LPIN2: variants seen among roughly 807,000 people sequenced by gnomAD.
LPIN2 encodes the protein phosphatidate phosphatase LPIN2.
In LPIN2, 55 loss-of-function variants were observed where a neutral mutation model predicts 111.4. The ratio of observed to expected loss-of-function variants is 0.49; its 90% CI spans 0.40 to 0.62. The LOEUF (loss-of-function observed/expected upper bound fraction) is 0.62. LPIN2 is among the 20% of genes least tolerant of loss of function. The probability of loss-of-function intolerance (pLI) is 0.00; values close to 1 mark genes in which losing one functional copy is unlikely to be tolerated. For missense variants in LPIN2, 992 were observed against 1,112.1 expected, an observed-to-expected ratio of 0.89 and a Z score of 1.54; for synonymous variants, 425 against 414.0, an observed-to-expected ratio of 1.03 and a Z score of -0.32.
rs2078544896 is a variant in LPIN2 at position 3,008,176 on chromosome 18, T to TTACAGGG, written c.-10+4910_-10+4911insCCCTGTA. On this transcript the variant is annotated intron_variant, in intron 1 of 19. Coordinates refer to ENST00000677752, the MANE Select transcript of LPIN2 (RefSeq NM_001375808.2). ...GGATGCTTAGGCTGGGCACAGTGGC[T>TTACAGGG]CACACCTGTAATCCCAACACTTTCG... Among the ~76,000 whole-genome samples the TTACAGGG allele has an allele frequency of 2.0e-5, 3 of 152,346 alleles. No homozygotes were observed. In the South Asian group the frequency reaches 6.2e-4, roughly 32 times the overall value.
At chr18:2,938,095 A>G in intron 6 of LPIN2, 58 bp from the exon 7 acceptor site, 2 of 1,334,118 alleles carry the variant, frequency 1.5e-6, no homozygotes, top group Non-Finnish European at 2.1e-6. Context: ...GTTATAATCT[A>G]TTTCCTAAGC....
Position 2,919,570 on chromosome 18 carries a change from T to A in LPIN2, c.*723A>T, listed in dbSNP as rs76325993. The A allele has an allele frequency of 6.5e-6, 1 of 152,698 alleles. No individual in the cohort carries two copies. 9.5% of individuals were successfully genotyped at this position (152,698 alleles called of 1,614,324 possible). A position where few individuals can be genotyped will look rare whatever the true frequency, so the allele number is the denominator to read the frequency against. ...CACCTTCCCACTTTTATTACAGACATCAAATATATACTTGTGAGACCTGTT... is the reference window on the plus strand; with the variant it reads ...CACCTTCCCACTTTTATTACAGACAACAAATATATACTTGTGAGACCTGTT... On this transcript the variant is annotated 3_prime_UTR_variant, in exon 20 of 20. Coordinates refer to ENST00000677752, the MANE Select transcript of LPIN2 (RefSeq NM_001375808.2).
chr18:2,987,711 T>C (rs2078206458), intron 1 of LPIN2, among the ~76,000 whole-genome samples: 1 of 152,208 alleles, frequency 6.6e-6, no homozygotes, highest in Admixed American at 6.5e-5. Context: ...CAGCTTTACT[T>C]AGTAAATTAC....
chr18:2,936,799 C>T (rs776925306), intron 7 of LPIN2, among the ~76,000 whole-genome samples: 8 of 152,066 alleles, frequency 5.3e-5, no homozygotes, highest in Admixed American at 3.3e-4. Flanking sequence ...AGGCTGATCT[C>T]GAAATCCTGA....
At chr18:2,976,309 AT>A (rs2078014789) in intron 1 of LPIN2, among the ~76,000 whole-genome samples, 1 of 152,194 alleles carries the variant, frequency 6.6e-6, no homozygotes, top group Non-Finnish European at 1.5e-5. Context: ...ATGGACTACC[AT>A]TGCAACTCCT....
At chr18:3,000,142 A>AGGAGGAGGAGG (rs34045507) in intron 1 of LPIN2, among the ~76,000 whole-genome samples, 1 of 114,914 alleles carries the variant, frequency 8.7e-6, no homozygotes, top group African/African-American at 3.1e-5. Context: ...GGAGGAGGAG[A>AGGAGGAGGAGG]AGGAGAAAAT....
chr18:2,947,970 C>T (rs1051562756), intron 4 of LPIN2, among the ~76,000 whole-genome samples: 2 of 152,164 alleles, frequency 1.3e-5, no homozygotes, highest in African/African-American at 4.8e-5. Flanking sequence ...ATTAAGAAAC[C>T]AACGCCCTGA....
chr18:2,973,653 A>G lies in LPIN2; in HGVS notation c.-9-12804T>C, dbSNP rs1381010835. ...AAACTACAGGTTGAGTATCCCCCTTATCCAAAATGCTCAGGACCAGAAATG... is the reference window on the plus strand; with the variant it reads ...AAACTACAGGTTGAGTATCCCCCTTGTCCAAAATGCTCAGGACCAGAAATG... On this transcript the variant is annotated intron_variant, in intron 1 of 19. Transcript: ENST00000677752. Among the ~76,000 whole-genome samples, 3 of 152,212 alleles carry G rather than the reference A, an allele frequency of 2.0e-5. No homozygotes were observed. The East Asian group carries it at 5.8e-4, about 29-fold the overall frequency.
At chr18:2,920,749 G>T in intron 19 of LPIN2, 29 bp downstream of exon 19, 1 of 1,556,564 alleles carries the variant, frequency 6.4e-7, no homozygotes, top group Non-Finnish European at 8.9e-7. Flanking sequence ...GCTGCAGGGC[G>T]CCGGGCTGAG....
chr18:2,961,272 C>T (rs921235477), intron 1 of LPIN2, among the ~76,000 whole-genome samples: 2 of 152,150 alleles, frequency 1.3e-5, no homozygotes, highest in South Asian at 2.1e-4. Context: ...AAACATCATC[C>T]CCGGGAGAAA....
rs1017532682 is a variant in LPIN2 at position 2,953,354 on chromosome 18, GT to G, written c.288+1149del. On this transcript the variant is annotated intron_variant, in intron 3 of 19. Coordinates refer to ENST00000677752, the MANE Select transcript of LPIN2 (RefSeq NM_001375808.2). ...AATTTTAAGAAACATACAAAAAGTG[GT>G]TTTTTTTTTTGACAGATGTCATTTA... Among the ~76,000 whole-genome samples the G allele has an allele frequency of 6.9e-3, 1,017 of 146,652 alleles. 17 individuals carry two copies. The highest frequency in any genetic ancestry group is 0.022 in the African/African-American group (882 of 40,254).
At position 2,946,517 on chromosome 18, in the gene LPIN2, T is replaced by C. The variant is rs28435645; in HGVS notation, c.590+4538A>G. 4.0e-3 allele frequency: 6,217 copies of C among 1,565,584 alleles called. 103 individuals carry two copies. The African/African-American group carries it at 0.052, about 13-fold the overall frequency. ...ATCGAAGCGCTGACCGCAGCTCCGGTTGTAGCACAGCAAGGCCATTTTTTT... is the reference window on the plus strand; with the variant it reads ...ATCGAAGCGCTGACCGCAGCTCCGGCTGTAGCACAGCAAGGCCATTTTTTT... On this transcript the variant is annotated intron_variant, in intron 4 of 19. Transcript: ENST00000677752.
intron 1 of LPIN2, among the ~76,000 whole-genome samples, chr18:2,987,849 G>A (rs1414890510): frequency 1.3e-5 from 2 of 151,608 alleles, no homozygotes; most frequent in African/African-American, 2.4e-5. Context: ...GACCAGCCTG[G>A]CCAACACAGT....
chr18:2,954,688 T>C, intron 2 of LPIN2, 89 bp from the exon 3 acceptor site: 1 of 940,748 alleles, frequency 1.1e-6, no homozygotes, highest in South Asian at 1.3e-5. Flanking sequence ...CAAGTCAAAC[T>C]TAGCATAGTT....
chr18:2,934,258 C>A, intron 8 of LPIN2, 93 bp downstream of exon 8: 1 of 955,896 alleles, frequency 1.0e-6, no homozygotes, highest in Non-Finnish European at 1.6e-6. Context: ...AGGACACCAT[C>A]ATCTTGTTCC....
chr18:2,925,722 C>T lies in LPIN2; in HGVS notation c.1794-354G>A, dbSNP rs116789007. On this transcript the variant is annotated intron_variant, in intron 13 of 19. Transcript: ENST00000677752. This position sits in a 1 kb window ranked among gnomAD's most constrained non-coding sequence, Gnocchi z 4.1. ...ATCGCTTACAATGATTTAACAAACT[C>T]CGGCTGGGTGCGGTGCCTCACACCT... Among the ~76,000 whole-genome samples, 1,183 of 152,308 alleles carry T rather than the reference C, an allele frequency of 7.8e-3. 20 individuals carry two copies. Among genetic ancestry groups the T allele is most frequent in the African/African-American group, 0.027 (1,123 of 41,556 alleles).
chr18:2,992,145 C>T (rs2078275599), intron 1 of LPIN2, among the ~76,000 whole-genome samples: 1 of 152,130 alleles, frequency 6.6e-6, no homozygotes, highest in Non-Finnish European at 1.5e-5. Flanking sequence ...GCATTATTCA[C>T]AACAGCCAAA....
chr18:2,958,164 A>AAAAC, intron 2 of LPIN2, among the ~76,000 whole-genome samples: 1 of 143,500 alleles, frequency 7.0e-6, no homozygotes, highest in Non-Finnish European at 1.5e-5. Flanking sequence ...AAAACAACAA[A>AAAAC]AAAAAAAAAC....
chr18:2,977,111 G>C (rs759102884), intron 1 of LPIN2: 1 of 151,704 alleles, frequency 6.6e-6, no homozygotes, highest in Non-Finnish European at 1.5e-5. Flanking sequence ...AGAAGGCTGA[G>C]GCGAAAGGAC....
Sources: gnomAD v4.1 joint callset for allele counts (sites outside exome capture counted in the v4.1 genomes callset) on GRCh38, gnomAD v4.1.1 for gene constraint, Gnocchi (gnomAD v3.1) non-coding constraint, MANE v1.5 for transcripts, NCBI Gene and HGNC (gene_info 2026-07-23, HGNC 2026-07-21) for gene names.